IGF1R: variants seen among roughly 807,000 people sequenced by gnomAD.
The protein encoded by IGF1R is insulin like growth factor 1 receptor.
In IGF1R, 44 loss-of-function variants were observed where a neutral mutation model predicts 144.6. The observed-to-expected ratio is 0.30, with a 90% CI of 0.24 to 0.39. The LOEUF is 0.39. Ranked by LOEUF, IGF1R falls within the 10% of genes least tolerant of loss-of-function variation. The probability of loss-of-function intolerance (pLI) is 1.00; values close to 1 mark genes in which losing one functional copy is unlikely to be tolerated. For missense variants in IGF1R, 1,355 were observed against 1,833.7 expected (o/e 0.74, Z 4.77); for synonymous variants, 795 against 722.8 (o/e 1.10, Z -1.60).
chr15:98,829,388 G>A (rs1031068002), intron 2 of IGF1R, among the ~76,000 whole-genome samples: 17 of 151,928 alleles, frequency 1.1e-4, no homozygotes, highest in Non-Finnish European at 1.6e-4. Flanking sequence ...AAAACTTGAG[G>A]TTTGGTTTCT....
chr15:98,842,024 T>A (rs1447349242), intron 2 of IGF1R, among the ~76,000 whole-genome samples: 5 of 152,244 alleles, frequency 3.3e-5, no homozygotes, highest in Non-Finnish European at 7.3e-5. Flanking sequence ...AGTGTTCTTT[T>A]GTGTTTTGCT....
chr15:98,651,822 C>A (rs2052374775), intron 1 of IGF1R, among the ~76,000 whole-genome samples: 1 of 152,200 alleles, frequency 6.6e-6, no homozygotes, highest in African/African-American at 2.4e-5. Context: ...CACCCCAAAT[C>A]TCGATTATGG....
rs918590976 is a variant in IGF1R at position 98,913,188 on chromosome 15, C to T, written c.1734C>T (p.Ala578=). ...LHGLKPWTQY[A]VYVKAVTLTM... is the part of the protein sequence containing the mutation. ...GGCTGAAGCCCTGGACTCAGTACGC[C>T]GTTTACGTCAAGGCTGTGACCCTCA... The change falls in exon 8 of 21, where the codon GCC becomes GCT. Residue 578 remains alanine, a synonymous_variant. Transcript: ENST00000650285. 6.2e-6 allele frequency: 10 copies of T among 1,614,064 alleles called. No individual in the cohort carries two copies. The highest frequency in any genetic ancestry group is 4.5e-5 in the East Asian group (2 of 44,892).
At chr15:98,711,819 C>T (rs1315621128) in intron 2 of IGF1R, among the ~76,000 whole-genome samples, 1 of 152,198 alleles carries the variant, frequency 6.6e-6, no homozygotes, top group Admixed American at 6.5e-5. Context: ...GTGGCTTACA[C>T]ACAACAGAAA....
chr15:98,777,502 C>T (rs917517793), intron 2 of IGF1R, among the ~76,000 whole-genome samples: 7 of 152,196 alleles, frequency 4.6e-5, no homozygotes, highest in South Asian at 2.1e-4. Flanking sequence ...AGTCTCTAGA[C>T]GTCTAAAGAA....
At chr15:98,758,687 C>T (rs1003867681) in intron 2 of IGF1R, among the ~76,000 whole-genome samples, 10 of 152,172 alleles carry the variant, frequency 6.6e-5, no homozygotes, top group Non-Finnish European at 1.3e-4. Context: ...AGAACTGTAC[C>T]CGCTCTCTGT....
rs544508360 is a variant in IGF1R, at chr15:98,941,853, C to G, written c.3458-1070C>G. On this transcript the variant is annotated intron_variant, in intron 18 of 20. Transcript: ENST00000650285. ...GCATTTTAAAGTGGAGCAGCCCTTT[C>G]TCCTGGGAAGGAGAACGGAAGAGTC... 3.3e-5 allele frequency among the ~76,000 whole-genome samples: 5 copies of G among 152,280 alleles called. No individual in the cohort carries two copies. The East Asian group carries it at 9.7e-4, about 29-fold the overall frequency.
intron 2 of IGF1R, chr15:98,890,446 C>T (rs970070113): frequency 2.0e-5 from 3 of 152,138 alleles, no homozygotes; most frequent in African/African-American, 7.2e-5. Flanking sequence ...AGGAAGTTAC[C>T]CTATATGGTC....
chr15:98,776,613 G>C (rs771130156), intron 2 of IGF1R, among the ~76,000 whole-genome samples: 2 of 152,118 alleles, frequency 1.3e-5, no homozygotes, highest in Admixed American at 6.5e-5. Flanking sequence ...TTGAGCCCAG[G>C]CTCTGAAATA....
At chr15:98,937,258 A>G (rs1401720168) in intron 17 of IGF1R, among the ~76,000 whole-genome samples, 1 of 152,192 alleles carries the variant, frequency 6.6e-6, no homozygotes, top group African/African-American at 2.4e-5. Context: ...GAGATCTGGC[A>G]GAGTATTTCT....
rs996926266 is a variant in IGF1R, at chr15:98,946,110, G to A, written c.3588-2464G>A. Among the ~76,000 whole-genome samples the A allele has an allele frequency of 2.6e-5, 4 of 151,804 alleles. No homozygotes were observed. In the East Asian group the frequency reaches 7.8e-4, roughly 30 times the overall value. Reference sequence around the variant, plus strand: ...AAGAGGAGGCAATTCTGACAGTTTGGGGTTGCATCATCTTCTTCACAGAAG... The same window carrying A: ...AAGAGGAGGCAATTCTGACAGTTTGAGGTTGCATCATCTTCTTCACAGAAG... On this transcript the variant is annotated intron_variant, in intron 19 of 20. Coordinates refer to ENST00000650285, the MANE Select transcript of IGF1R (RefSeq NM_000875.5).
chr15:98,913,394 C>A, intron 8 of IGF1R, 112 bp downstream of exon 8: 1 of 844,458 alleles, frequency 1.2e-6, no homozygotes. Flanking sequence ...TGTTGTCTTT[C>A]TTGTCAATAG....
chr15:98,823,015 T>G (rs542292238), intron 2 of IGF1R, among the ~76,000 whole-genome samples: 10 of 152,344 alleles, frequency 6.6e-5, no homozygotes, highest in Admixed American at 2.0e-4. Flanking sequence ...CCATCAGTTT[T>G]AACTTACTCA....
chr15:98,806,127 C>T (rs192901836), intron 2 of IGF1R, among the ~76,000 whole-genome samples: 7 of 152,282 alleles, frequency 4.6e-5, no homozygotes, highest in Non-Finnish European at 4.4e-5. Context: ...GAAATTAGAA[C>T]GGCCTCACTC....
intron 2 of IGF1R, among the ~76,000 whole-genome samples, chr15:98,785,563 C>T (rs1308373749): frequency 2.0e-5 from 3 of 152,266 alleles, no homozygotes; most frequent in Admixed American, 1.3e-4. Context: ...CAGGCTTTAG[C>T]GTTCAGAGGA....
chr15:98,766,977 C>T (rs1033666484), intron 2 of IGF1R, among the ~76,000 whole-genome samples: 2 of 152,168 alleles, frequency 1.3e-5, no homozygotes, highest in Non-Finnish European at 2.9e-5. Flanking sequence ...GCGTAGGGAC[C>T]AGGCTCGGTG....
chr15:98,917,114 C>A (rs542365028), intron 10 of IGF1R, among the ~76,000 whole-genome samples: 1 of 152,194 alleles, frequency 6.6e-6, no homozygotes, highest in South Asian at 2.1e-4. Flanking sequence ...GTGACAGGTA[C>A]TGCTGTCTCA....
chr15:98,649,757 C>G (rs2052302781), intron 1 of IGF1R, 82 bp downstream of exon 1: 5 of 1,077,102 alleles, frequency 4.6e-6, no homozygotes, highest in African/African-American at 1.6e-5. Context: ...ACCCGAGTTG[C>G]CACCGTCGCA....
chr15:98,737,422 T>A (rs1230080221), intron 2 of IGF1R, among the ~76,000 whole-genome samples: 1 of 152,152 alleles, frequency 6.6e-6, no homozygotes, highest in Non-Finnish European at 1.5e-5. Flanking sequence ...GAACATGACT[T>A]GCCTCTGGCC....
Sources: gnomAD v4.1 joint callset for allele counts (sites outside exome capture counted in the v4.1 genomes callset) on GRCh38, gnomAD v4.1.1 for gene constraint, MANE v1.5 for transcripts, NCBI Gene and HGNC (gene_info 2026-07-23, HGNC 2026-07-21) for gene names.